PMF1: variants seen among roughly 807,000 people sequenced by gnomAD.
PMF1 encodes polyamine modulated factor 1.
Under a neutral mutation model 26.7 loss-of-function variants are expected in PMF1, and 21 were observed. The ratio of observed to expected loss-of-function variants is 0.79; its 90% CI spans 0.56 to 1.13. The LOEUF is 1.13. Among genes scored for constraint, PMF1 ranks in the 50% most tolerant of loss-of-function variants. PMF1 has a pLI of 0.00. For missense variants in PMF1, 266 were observed against 254.9 expected (o/e 1.04, Z -0.30); for synonymous variants, 105 against 101.0 (o/e 1.04, Z -0.24).
chr1:156,236,800 A>G (rs1364109840), intron 4 of PMF1: 3 of 372,366 alleles, frequency 8.1e-6, no homozygotes, highest in African/African-American at 2.0e-5. Context: ...TGGAGTTAAA[A>G]CCTGGTGCTG....
rs185798207 is a variant in PMF1 at position 156,232,434 on chromosome 1, C to T, written c.267+9C>T. 8.2e-5 allele frequency: 133 copies of T among 1,613,070 alleles called. No homozygotes were observed. Among genetic ancestry groups the T allele is most frequent in the Non-Finnish European group, 1.0e-4 (123 of 1,179,238 alleles). On this transcript the variant is annotated intron_variant, in intron 2 of 4. Coordinates refer to ENST00000368277, the MANE Select transcript of PMF1 (RefSeq NM_007221.4). ...TGCAGACATCTATCCGGGTGAGTGG[C>T]GGGAAGCCTGGCAGGTGCTGTTGAC... is the stretch of plus-strand genomic sequence containing the variant.
intron 1 of PMF1, among the ~76,000 whole-genome samples, chr1:156,217,106 A>G (rs1418337025): frequency 1.3e-5 from 2 of 151,240 alleles, no homozygotes; most frequent in Non-Finnish European, 2.9e-5. Flanking sequence ...GCGGGGAGGG[A>G]TAGCATTGGG....
intron 1 of PMF1, among the ~76,000 whole-genome samples, chr1:156,216,784 C>T (rs998197289): frequency 1.3e-5 from 2 of 151,964 alleles, no homozygotes; most frequent in African/African-American, 4.8e-5. Context: ...GGTTGTCCGC[C>T]GCCCCTTCCC....
Position 156,228,256 on chromosome 1 carries a change from A to ATTTTTTTT in PMF1, c.162-4039_162-4032dup, listed in dbSNP as rs772709878. On this transcript the variant is annotated intron_variant, in intron 1 of 4. Coordinates refer to ENST00000368277, the MANE Select transcript of PMF1 (RefSeq NM_007221.4). ...CAGGCGTGAGCCACCGCACCTGGCG[A>ATTTTTTTT]TTTTTTTTTTTTTTTTTTTTTTTTT... Among the ~76,000 whole-genome samples, 66 of 33,562 alleles carry ATTTTTTTT rather than the reference A, an allele frequency of 2.0e-3. 10 individuals carry two copies. The highest frequency in any genetic ancestry group is 2.8e-3 in the African/African-American group (27 of 9,756). The allele number at this position is 33,562 out of a possible 152,430, so 22.0% of individuals were successfully genotyped here.
rs193157941 is a variant in PMF1 at position 156,235,234 on chromosome 1, C to T, written c.369-1054C>T. Among the ~76,000 whole-genome samples the T allele has an allele frequency of 6.6e-3, 1,004 of 151,620 alleles. 9 individuals carry two copies. The highest frequency in any genetic ancestry group is 0.023 in the African/African-American group (967 of 41,284). On this transcript the variant is annotated intron_variant, in intron 3 of 4. Coordinates refer to ENST00000368277, the MANE Select transcript of PMF1 (RefSeq NM_007221.4). ...CAGCCTCCCGGGTCCAAGCGATTCTCCTGCCTCAGCCTCCCGAGTAGCTGG... is the reference window on the plus strand; with the variant it reads ...CAGCCTCCCGGGTCCAAGCGATTCTTCTGCCTCAGCCTCCCGAGTAGCTGG...
intron 1 of PMF1, among the ~76,000 whole-genome samples, chr1:156,232,085 A>G (rs945493053): frequency 6.6e-6 from 1 of 152,168 alleles, no homozygotes; most frequent in African/African-American, 2.4e-5. Flanking sequence ...ATAAACACTT[A>G]AACTCACCTG....
chr1:156,214,683 C>T (rs915488146), intron 1 of PMF1, among the ~76,000 whole-genome samples: 5 of 151,170 alleles, frequency 3.3e-5, no homozygotes, highest in Admixed American at 3.3e-4. Flanking sequence ...TTTGAGGCTT[C>T]GGTGAGTTAT....
chr1:156,228,028 G>A (rs773537383), intron 1 of PMF1, among the ~76,000 whole-genome samples: 32 of 150,742 alleles, frequency 2.1e-4, no homozygotes, highest in African/African-American at 3.9e-4. Context: ...TCCGCCTCCC[G>A]GGTTCAAGTG....
chr1:156,230,982 G>A (rs528389707), intron 1 of PMF1, among the ~76,000 whole-genome samples: 4 of 152,194 alleles, frequency 2.6e-5, no homozygotes, highest in African/African-American at 9.6e-5. Context: ...TTGGGAGGCC[G>A]AGATGGGCGG....
intron 1 of PMF1, among the ~76,000 whole-genome samples, chr1:156,213,729 C>T (rs1657527219): frequency 6.6e-6 from 1 of 152,164 alleles, no homozygotes; most frequent in South Asian, 2.1e-4. Flanking sequence ...GCAATAGTAC[C>T]TTTCTCATAG....
intron 1 of PMF1, among the ~76,000 whole-genome samples, chr1:156,219,043 A>G (rs1657937330): frequency 6.6e-6 from 1 of 151,604 alleles, no homozygotes; most frequent in Non-Finnish European, 1.5e-5. Context: ...TCAGCCTCCC[A>G]AGTAGCTGGG....
rs1659238912 is a variant in PMF1 at position 156,239,710 on chromosome 1, C to T, written c.*109C>T. 2.3e-6 allele frequency: 2 copies of T among 852,904 alleles called. No individual in the cohort carries two copies. The highest frequency in any genetic ancestry group is 3.3e-5 in the African/African-American group (2 of 59,872). 52.8% of individuals were successfully genotyped at this position (852,904 alleles called of 1,614,324 possible). On this transcript the variant is annotated 3_prime_UTR_variant, in exon 5 of 5. Transcript: ENST00000368277. ...GAGAACGGCTGAAATGGTGCCCAGT[C>T]CATCAGCAGTGATGGAATTTGCTGG...
chr1:156,224,780 T>G (rs891158583), intron 1 of PMF1, among the ~76,000 whole-genome samples: 2 of 151,426 alleles, frequency 1.3e-5, no homozygotes, highest in Admixed American at 6.6e-5. Flanking sequence ...AAAAAGAAAA[T>G]AAAAAAGAAA....
chr1:156,228,949 C>T (rs1343217668), intron 1 of PMF1, among the ~76,000 whole-genome samples: 1 of 152,132 alleles, frequency 6.6e-6, no homozygotes, highest in Non-Finnish European at 1.5e-5. Context: ...TGCTGTGTCG[C>T]CCAGGCTGGA....
chr1:156,224,398 A>G (rs1185772271), intron 1 of PMF1, among the ~76,000 whole-genome samples: 1 of 152,236 alleles, frequency 6.6e-6, no homozygotes, highest in African/African-American at 2.4e-5. Context: ...ACCTGTCGAA[A>G]GGCTAATTTT....
chr1:156,231,189 C>G (rs1463307829), intron 1 of PMF1, among the ~76,000 whole-genome samples: 1 of 137,170 alleles, frequency 7.3e-6, no homozygotes, highest in East Asian at 2.1e-4. Flanking sequence ...TGCACTCCAG[C>G]CTGGGCGACA....
At chr1:156,233,273 C>T (rs1466434424) in intron 2 of PMF1, among the ~76,000 whole-genome samples, 1 of 151,780 alleles carries the variant, frequency 6.6e-6, no homozygotes, top group Non-Finnish European at 1.5e-5. Context: ...TGTGCCTCAG[C>T]CTCCCGAGTA....
chr1:156,233,218 A>G (rs1572501784), intron 2 of PMF1, among the ~76,000 whole-genome samples: 1 of 151,974 alleles, frequency 6.6e-6, no homozygotes, highest in African/African-American at 2.4e-5. Context: ...CAGTGGCGCA[A>G]TCTCGGTTCA....
At chr1:156,236,077 G>A (rs1658990415) in intron 3 of PMF1, among the ~76,000 whole-genome samples, 2 of 152,184 alleles carry the variant, frequency 1.3e-5, no homozygotes, top group African/African-American at 4.8e-5. Context: ...GGGAGAGGTG[G>A]ACCCCTAAGC....
Sources: gnomAD v4.1 joint callset for allele counts (sites outside exome capture counted in the v4.1 genomes callset) on GRCh38, gnomAD v4.1.1 for gene constraint, MANE v1.5 for transcripts, NCBI Gene and HGNC (gene_info 2026-07-23, HGNC 2026-07-21) for gene names.